Variants in MOB3B observed in about 807,000 individuals in gnomAD.
MOB3B encodes the protein MOB kinase activator-like 2B.
MOB3B carries 7 observed loss-of-function variants against 18.7 expected under a neutral mutation model. That is an observed-to-expected ratio of 0.37 (90% CI 0.21 to 0.70). The LOEUF is 0.70. Ranked by LOEUF, MOB3B falls within the 30% of genes least tolerant of loss-of-function variation. The pLI, the probability that MOB3B is intolerant of heterozygous loss-of-function variation, is 0.52. For missense variants in MOB3B, 253 were observed against 281.3 expected (o/e 0.90, Z 0.72); for synonymous variants, 111 against 99.9 (o/e 1.11, Z -0.66).
In MOB3B at chr9:27,334,980, C is replaced by T. The variant is rs558878772; in HGVS notation, c.622-4364G>A. 4.4e-3 allele frequency among the ~76,000 whole-genome samples: 666 copies of T among 152,284 alleles called. 5 individuals are homozygous for T. Among genetic ancestry groups the T allele is most frequent in the African/African-American group, 0.011 (452 of 41,560 alleles). On this transcript the variant is annotated intron_variant, in intron 3 of 3. Coordinates refer to ENST00000262244, the MANE Select transcript of MOB3B (RefSeq NM_024761.5). ...CTGGGACTACAGATGCCCGCCACCA[C>T]GCCCGGCTAATTTTTTGTATTTTTA... is the stretch of plus-strand genomic sequence containing the variant.
At chr9:27,514,746 A>C (rs1246979998) in intron 1 of MOB3B, among the ~76,000 whole-genome samples, 1 of 152,118 alleles carries the variant, frequency 6.6e-6, no homozygotes, top group Non-Finnish European at 1.5e-5. Context: ...GAGCAGCTGA[A>C]CTCTTTTCTG....
intron 1 of MOB3B, among the ~76,000 whole-genome samples, chr9:27,498,572 T>C (rs1819936959): frequency 6.6e-6 from 1 of 152,262 alleles, no homozygotes; most frequent in East Asian, 1.9e-4. Flanking sequence ...GTTTTGTTCA[T>C]GTGCCTAATC....
In MOB3B at chr9:27,510,838, G is replaced by A. The variant is rs567295584; in HGVS notation, c.-199+18717C>T. Among the ~76,000 whole-genome samples, 17 of 152,274 alleles carry A rather than the reference G, an allele frequency of 1.1e-4. No individual in the cohort carries two copies. In the South Asian group the frequency reaches 3.3e-3, roughly 30 times the overall value. ...GGATCCACCAAGTTCCACACAGTGG[G>A]GGTCAGGAGATACTCCCTGAAGTCT... On this transcript the variant is annotated intron_variant, in intron 1 of 3. Coordinates refer to ENST00000262244, the MANE Select transcript of MOB3B (RefSeq NM_024761.5).
At chr9:27,464,388 C>A (rs374487256) in intron 1 of MOB3B, among the ~76,000 whole-genome samples, 8 of 152,176 alleles carry the variant, frequency 5.3e-5, no homozygotes, top group African/African-American at 1.9e-4. Flanking sequence ...ATTTATAACA[C>A]ACTTACCCTA....
intron 2 of MOB3B, among the ~76,000 whole-genome samples, chr9:27,367,913 ACAACAACC>A (rs1287157993): frequency 6.6e-6 from 1 of 152,196 alleles, no homozygotes; most frequent in East Asian, 1.9e-4. Flanking sequence ...TGGCATGTCA[ACAACAACC>A]AGAAGTGCCC....
At chr9:27,370,564 AG>A (rs1821402710) in intron 2 of MOB3B, among the ~76,000 whole-genome samples, 1 of 151,982 alleles carries the variant, frequency 6.6e-6, no homozygotes. Context: ...GTGAAGTTAT[AG>A]CAAAAACTGC....
chr9:27,484,098 A>G (rs1057114065), intron 1 of MOB3B, among the ~76,000 whole-genome samples: 1 of 152,324 alleles, frequency 6.6e-6, no homozygotes, highest in African/African-American at 2.4e-5. Flanking sequence ...GGATGCCCCA[A>G]GTGAGAATTG....
intron 1 of MOB3B, among the ~76,000 whole-genome samples, chr9:27,522,265 A>T (rs1820347463): frequency 7.3e-6 from 1 of 137,532 alleles, no homozygotes; most frequent in African/African-American, 2.8e-5. Flanking sequence ...AAAAAAAAAA[A>T]AGAAAAGAAA....
At chr9:27,443,787 C>G (rs1822632366) in intron 2 of MOB3B, among the ~76,000 whole-genome samples, 1 of 152,190 alleles carries the variant, frequency 6.6e-6, no homozygotes, top group African/African-American at 2.4e-5. Context: ...TTTTAGCATA[C>G]TTCCTGATCA....
intron 2 of MOB3B, among the ~76,000 whole-genome samples, chr9:27,363,547 C>G (rs1453836661): frequency 6.6e-6 from 1 of 151,440 alleles, no homozygotes; most frequent in East Asian, 1.9e-4. Context: ...GGATTATAGG[C>G]GTGATCCACC....
chr9:27,392,391 T>C (rs1821738065), intron 2 of MOB3B, among the ~76,000 whole-genome samples: 1 of 152,078 alleles, frequency 6.6e-6, no homozygotes, highest in Admixed American at 6.6e-5. Flanking sequence ...GAAAGCAAAA[T>C]GGTATACCGT....
At chr9:27,355,571 T>C (rs1019199876) in intron 3 of MOB3B, among the ~76,000 whole-genome samples, 12 of 151,282 alleles carry the variant, frequency 7.9e-5, no homozygotes, top group Non-Finnish European at 1.2e-4. Flanking sequence ...TCTTTTTTTT[T>C]TTTTTTGAGA....
intron 2 of MOB3B, among the ~76,000 whole-genome samples, chr9:27,403,846 T>C (rs1409924685): frequency 6.6e-6 from 1 of 152,174 alleles, no homozygotes. Flanking sequence ...ACATGTGATA[T>C]TCTGATACAA....
chr9:27,412,317 C>T (rs375875525), intron 2 of MOB3B, among the ~76,000 whole-genome samples: 1 of 151,250 alleles, frequency 6.6e-6, no homozygotes, highest in Non-Finnish European at 1.5e-5. Flanking sequence ...GAGATTCTTC[C>T]CCAGAGCAAT....
At chr9:27,389,120 T>A (rs1219830392) in intron 2 of MOB3B, among the ~76,000 whole-genome samples, 1 of 152,184 alleles carries the variant, frequency 6.6e-6, no homozygotes, top group Non-Finnish European at 1.5e-5. Flanking sequence ...TGCCGTGGAC[T>A]GAAAAAGGCT....
intron 2 of MOB3B, among the ~76,000 whole-genome samples, chr9:27,429,137 G>C (rs887767052): frequency 6.6e-6 from 1 of 152,148 alleles, no homozygotes; most frequent in African/African-American, 2.4e-5. Flanking sequence ...AAAGGGAAAG[G>C]CCCAGAGTTA....
chr9:27,521,029 C>T (rs1820316621), intron 1 of MOB3B, among the ~76,000 whole-genome samples: 1 of 152,102 alleles, frequency 6.6e-6, no homozygotes, highest in African/African-American at 2.4e-5. Context: ...TGAATATTGT[C>T]AATATCAGCA....
At chr9:27,431,198 A>G (rs1822412261) in intron 2 of MOB3B, among the ~76,000 whole-genome samples, 3 of 152,192 alleles carry the variant, frequency 2.0e-5, no homozygotes, top group African/African-American at 7.2e-5. Context: ...TCACCCTACA[A>G]TTTAAAAATA....
intron 3 of MOB3B, among the ~76,000 whole-genome samples, chr9:27,355,901 T>C (rs1821182961): frequency 6.6e-6 from 1 of 152,168 alleles, no homozygotes; most frequent in Non-Finnish European, 1.5e-5. Flanking sequence ...CAAATAAAAA[T>C]GTGTTGACTT....
Sources: allele counts gnomAD v4.1 joint callset (sites outside exome capture counted in the v4.1 genomes callset), GRCh38; gene constraint gnomAD v4.1.1; transcripts MANE v1.5; gene names NCBI Gene and HGNC (gene_info 2026-07-23, HGNC 2026-07-21).